Variants in NALCN observed in about 807,000 individuals in gnomAD.
NALCN encodes sodium leak channel NALCN.
A neutral mutation model predicts 225.3 loss-of-function variants in NALCN; 111 were observed. That is an observed-to-expected ratio of 0.49 (90% CI 0.42 to 0.58). The LOEUF (loss-of-function observed/expected upper bound fraction) is 0.58, where lower values mean the gene tolerates loss of function less well. Among genes scored for constraint, NALCN ranks in the 20% least tolerant of loss-of-function variants. The probability of loss-of-function intolerance (pLI) is 0.00; values close to 1 mark genes in which losing one functional copy is unlikely to be tolerated. For missense variants in NALCN, 1,378 were observed against 2,202.4 expected (o/e 0.63, Z 7.49); for synonymous variants, 764 against 769.0 (o/e 0.99, Z 0.11).
At chr13:101,277,959 C>G (rs545073010) in intron 10 of NALCN, among the ~76,000 whole-genome samples, 54 of 152,230 alleles carry the variant, frequency 3.5e-4, no homozygotes, top group African/African-American at 1.1e-3. Flanking sequence ...ATTGCCAGAT[C>G]ATTCTCTTTT....
intron 7 of NALCN, among the ~76,000 whole-genome samples, chr13:101,297,663 C>G (rs111607958): frequency 2.9e-3 from 444 of 152,300 alleles, no homozygotes; most frequent in Non-Finnish European, 5.4e-3. Flanking sequence ...CCTTGCACCC[C>G]CTTTGCGTGA....
chr13:101,411,628 G>A (rs556562940), intron 1 of NALCN, among the ~76,000 whole-genome samples: 2 of 152,250 alleles, frequency 1.3e-5, no homozygotes, highest in Admixed American at 6.5e-5. Context: ...GATTACAGGC[G>A]TGAGCCACCG....
intron 15 of NALCN, among the ~76,000 whole-genome samples, chr13:101,153,482 G>C (rs540639438): frequency 6.6e-6 from 1 of 152,248 alleles, no homozygotes; most frequent in African/African-American, 2.4e-5. Context: ...AAGACTCTTG[G>C]TTGTAAAAAT....
At position 101,145,123 on chromosome 13, in the gene NALCN, C is replaced by T. The variant is rs642829; in HGVS notation, c.1840-227G>A. Among the ~76,000 whole-genome samples, 6,945 of 152,164 alleles carry T rather than the reference C, an allele frequency of 0.046. 249 individuals are homozygous for T. Among genetic ancestry groups the T allele is most frequent in the African/African-American group, 0.093 (3,858 of 41,510 alleles). ...AAAACAAAACTTAACAACAAAAAAA[C>T]TAAACCAGAAAAAAATTCAAGGAAA... On this transcript the variant is annotated intron_variant, in intron 15 of 43. Coordinates refer to ENST00000251127, the MANE Select transcript of NALCN (RefSeq NM_052867.4).
chr13:101,130,829 T>C (rs2036482046), intron 17 of NALCN, among the ~76,000 whole-genome samples: 1 of 152,200 alleles, frequency 6.6e-6, no homozygotes, highest in Non-Finnish European at 1.5e-5. Context: ...TTTTTAATCA[T>C]TTACTCCAAT....
intron 30 of NALCN, among the ~76,000 whole-genome samples, chr13:101,085,665 T>C (rs1186218559): frequency 2.6e-5 from 4 of 152,172 alleles, no homozygotes; most frequent in Non-Finnish European, 4.4e-5. Context: ...CTGTACCCGA[T>C]AAATATGTAC....
chr13:101,169,512 C>T (rs919906330), intron 15 of NALCN, among the ~76,000 whole-genome samples: 1 of 152,180 alleles, frequency 6.6e-6, no homozygotes, highest in South Asian at 2.1e-4. Context: ...ATCCTGATTC[C>T]TGGCTCACTA....
chr13:101,115,510 A>G (rs916714054), intron 18 of NALCN, among the ~76,000 whole-genome samples: 3 of 152,208 alleles, frequency 2.0e-5, no homozygotes, highest in African/African-American at 7.2e-5. Context: ...GAGACTTCCA[A>G]TATTTTATAT....
chr13:101,414,920 C>T (rs1410354818), intron 1 of NALCN, among the ~76,000 whole-genome samples: 4 of 151,986 alleles, frequency 2.6e-5, no homozygotes, highest in Non-Finnish European at 5.9e-5. Flanking sequence ...TTTGTCTTCA[C>T]ACTGTCTGGT....
chr13:101,414,817 C>T (rs574019494), intron 1 of NALCN, among the ~76,000 whole-genome samples: 10 of 152,286 alleles, frequency 6.6e-5, no homozygotes, highest in African/African-American at 1.7e-4. Context: ...AGTGACGGCA[C>T]ATTTATTCTG....
At chr13:101,385,976 T>C (rs2046976137) in intron 3 of NALCN, among the ~76,000 whole-genome samples, 1 of 152,200 alleles carries the variant, frequency 6.6e-6, no homozygotes, top group African/African-American at 2.4e-5. Context: ...ATGCCATTTT[T>C]TTTTACAATT....
chr13:101,068,849 G>A (rs1410466818), intron 37 of NALCN, 22 bp from the exon 38 acceptor site: 1 of 1,593,450 alleles, frequency 6.3e-7, no homozygotes, highest in Non-Finnish European at 8.5e-7. Flanking sequence ...TGGGGTGGAA[G>A]AAGGAGAGGA....
At position 101,399,036 on chromosome 13, in the gene NALCN, G is replaced by A. The variant is rs1303333396; in HGVS notation, c.91C>T (p.Leu31Phe). ...AAACTTACTGGTTTGTTAATCCAGA[G>A]GATGTCAGCATTATCCGACAGAGAC... ...DESLSDNADI[L>F]WINKPWVHSL... Residue 31 changes from leucine (L) to phenylalanine (F), a missense_variant, in exon 2 of 44, where the codon CTC becomes TTC. Transcript: ENST00000251127. 1.6e-5 allele frequency: 26 copies of A among 1,590,436 alleles called. No individual in the cohort carries two copies. The highest frequency in any genetic ancestry group is 2.2e-5 in the Non-Finnish European group (25 of 1,158,606).
intron 6 of NALCN, among the ~76,000 whole-genome samples, chr13:101,345,750 ATATATATATATATATATATATT>A (rs1343854766): frequency 8.5e-6 from 1 of 117,350 alleles, no homozygotes; most frequent in Non-Finnish European, 1.7e-5. Flanking sequence ...ATATATATAT[ATATATATATATATATATATATT>A]TAGAGAGGGA....
chr13:101,270,912 A>T (rs1293726384), intron 10 of NALCN, among the ~76,000 whole-genome samples: 1 of 152,214 alleles, frequency 6.6e-6, no homozygotes, highest in Admixed American at 6.5e-5. Flanking sequence ...GCCAAAGGTG[A>T]CAATGCAACA....
chr13:101,276,483 T>C (rs2042977861), intron 10 of NALCN, among the ~76,000 whole-genome samples: 1 of 152,330 alleles, frequency 6.6e-6, no homozygotes, highest in Middle Eastern at 3.4e-3. Context: ...CTTGTGGTCT[T>C]GCAGTTAAAT....
chr13:101,263,360 AT>A (rs2042495663), intron 10 of NALCN, among the ~76,000 whole-genome samples: 2 of 152,176 alleles, frequency 1.3e-5, no homozygotes, highest in Non-Finnish European at 2.9e-5. Context: ...TTTTATTGTT[AT>A]TTAGTCTTTC....
At chr13:101,225,569 T>C (rs752655223) in intron 13 of NALCN, among the ~76,000 whole-genome samples, 1 of 152,178 alleles carries the variant, frequency 6.6e-6, no homozygotes, top group African/African-American at 2.4e-5. Context: ...CAAAGCCTTA[T>C]AAGAGTCGAA....
intron 6 of NALCN, among the ~76,000 whole-genome samples, chr13:101,363,866 G>T (rs547438804): frequency 2.6e-5 from 4 of 151,948 alleles, no homozygotes; most frequent in African/African-American, 9.7e-5. Flanking sequence ...AATATATAAA[G>T]AACTCAAATA....
Sources: allele counts gnomAD v4.1 joint callset (sites outside exome capture counted in the v4.1 genomes callset), GRCh38; gene constraint gnomAD v4.1.1; transcripts MANE v1.5; gene names NCBI Gene and HGNC (gene_info 2026-07-23, HGNC 2026-07-21).